Variants in SPATA24 observed in about 807,000 individuals in gnomAD.
The protein encoded by SPATA24 is spermatogenesis-associated protein 24.
In SPATA24, 21 loss-of-function variants were observed where a neutral mutation model predicts 28.9. The observed-to-expected ratio is 0.73, with a 90% CI of 0.52 to 1.05. The LOEUF is 1.05. SPATA24 is among the 50% of genes least tolerant of loss of function. SPATA24 has a pLI of 0.00. For synonymous variants in SPATA24, 76 were observed against 89.9 expected (o/e 0.85, Z 0.88); for missense variants, 215 against 242.9 (o/e 0.88, Z 0.76).
chr5:139,393,413 G>A, downstream of SPATA24: 1 of 1,551,680 alleles, frequency 6.4e-7, no homozygotes. Flanking sequence ...GTTGGTTCTG[G>A]AGTGCCGGGT....
chr5:139,402,063 G>A lies in SPATA24; in HGVS notation c.184-18C>T, dbSNP rs530105321. The A allele has an allele frequency of 6.5e-7, 1 of 1,549,838 alleles. No homozygotes were observed. Among genetic ancestry groups the A allele is most frequent in the East Asian group, 2.4e-5 (1 of 40,912 alleles). On this transcript the variant is annotated intron_variant, in intron 2 of 5. Transcript: ENST00000450845. ...TTCTCTTCCTGCAGGGGCAGCAGCAGTCACCTCATTACCCTAGGCCGCCTT... is the reference window on the plus strand; with the variant it reads ...TTCTCTTCCTGCAGGGGCAGCAGCAATCACCTCATTACCCTAGGCCGCCTT...
At chr5:139,393,059 CG>C, downstream of SPATA24, 13 of 1,530,582 alleles carry the variant, frequency 8.5e-6, no homozygotes, top group Admixed American at 2.1e-5. Context: ...TGAGCCGGGG[CG>C]GGGGGCCCCA....
Position 139,404,068 on chromosome 5 carries a change from C to T in SPATA24, c.-8G>A, listed in dbSNP as rs550592454. 46 of 1,550,468 alleles carry T rather than the reference C, an allele frequency of 3.0e-5. No homozygotes were observed. In the African/African-American group the frequency reaches 5.5e-4, roughly 18 times the overall value. On this transcript the variant is annotated 5_prime_UTR_variant, in exon 1 of 6. Transcript: ENST00000450845. ...CCCGAGGGGCGTCGCCATCTTCCGC[C>T]CCCGCCAGCTAGTTGGAAATGGCTG...
downstream of SPATA24, among the ~76,000 whole-genome samples, chr5:139,395,886 G>A (rs1758695042): frequency 6.6e-6 from 1 of 152,214 alleles, no homozygotes; most frequent in Non-Finnish European, 1.5e-5. Context: ...CAGCTCCAAA[G>A]GCCCCTGCGG....
rs1758814272 is a variant in SPATA24 at position 139,401,183 on chromosome 5, G to A, written c.385+572C>T. On this transcript the variant is annotated intron_variant, in intron 4 of 5. Transcript: ENST00000450845. ...AAATAAAACAACTTGGTTTCACTGG[G>A]CATGGTGGCTCACACCTGTAGTCCC... Among the ~76,000 whole-genome samples the A allele has an allele frequency of 5.9e-5, 9 of 152,184 alleles. No individual in the cohort carries two copies. In the South Asian group the frequency reaches 1.9e-3, roughly 31 times the overall value.
intron 4 of SPATA24, 33 bp downstream of exon 4, chr5:139,401,722 A>C: frequency 3.0e-5 from 46 of 1,547,946 alleles, no homozygotes; most frequent in Non-Finnish European, 3.8e-5. Flanking sequence ...CCGTTTATAT[A>C]ACCGTGGTGG....
At chr5:139,402,891 C>T (rs1221895342) in intron 1 of SPATA24, among the ~76,000 whole-genome samples, 198 bp from the exon 2 acceptor site, 1 of 152,214 alleles carries the variant, frequency 6.6e-6, no homozygotes, top group Non-Finnish European at 1.5e-5. Flanking sequence ...CAGCCAGTCT[C>T]ATGGAGGAGG....
chr5:139,397,488 G>A (rs1758735590), intron 4 of SPATA24, among the ~76,000 whole-genome samples: 1 of 152,034 alleles, frequency 6.6e-6, no homozygotes, highest in Admixed American at 6.5e-5. Context: ...TGCCTCCTTG[G>A]AGAAACTCTC....
At chr5:139,397,553 CTT>C (rs757853919) in intron 4 of SPATA24, among the ~76,000 whole-genome samples, 15 of 135,446 alleles carry the variant, frequency 1.1e-4, no homozygotes, top group Non-Finnish European at 9.1e-5. Context: ...CCTGCTTTCT[CTT>C]TTTTTTTTTT....
downstream of SPATA24, chr5:139,393,236 GTC>G: frequency 3.4e-5 from 53 of 1,549,112 alleles, no homozygotes; most frequent in Non-Finnish European, 4.6e-5. Context: ...ATGCGCGGGC[GTC>G]CCGAGGCCGC....
downstream of SPATA24, chr5:139,393,721 G>T (rs1407322738): frequency 6.4e-7 from 1 of 1,551,324 alleles, no homozygotes; most frequent in Non-Finnish European, 8.7e-7. Flanking sequence ...GATCGGAGGG[G>T]AAGGGCTTCT....
chr5:139,402,538 C>T (rs1181056558), intron 2 of SPATA24, 90 bp downstream of exon 2: 4 of 1,181,630 alleles, frequency 3.4e-6, no homozygotes, highest in Non-Finnish European at 4.9e-6. Flanking sequence ...CCACTGCACC[C>T]ATCAGAGGCT....
At chr5:139,396,359 T>C (rs1758705342), downstream of SPATA24, 19 of 985,322 alleles carry the variant, frequency 1.9e-5, no homozygotes, top group African/African-American at 3.5e-5. Flanking sequence ...CTTCCTCCCA[T>C]TGTGAAGCTC....
chr5:139,399,954 G>A (rs1758788092), intron 4 of SPATA24, among the ~76,000 whole-genome samples: 1 of 152,214 alleles, frequency 6.6e-6, no homozygotes, highest in African/African-American at 2.4e-5. Context: ...TTCTTTTTTG[G>A]GAAGTAAGGG....
At chr5:139,403,582 G>T (rs1038373677) in intron 1 of SPATA24, among the ~76,000 whole-genome samples, 1 of 152,178 alleles carries the variant, frequency 6.6e-6, no homozygotes, top group Non-Finnish European at 1.5e-5. Flanking sequence ...TTTGACTCTC[G>T]GGAATGGTGT....
downstream of SPATA24, chr5:139,393,863 G>A: frequency 6.4e-7 from 1 of 1,551,218 alleles, no homozygotes; most frequent in Non-Finnish European, 8.7e-7. Context: ...GGGCAGCGAG[G>A]ACCCCGTACA....
downstream of SPATA24, chr5:139,396,201 A>G (rs1758702144): frequency 1.0e-6 from 1 of 985,218 alleles, no homozygotes; most frequent in African/African-American, 1.7e-5. Context: ...GTGTGTCCCC[A>G]TGATCACCTA....
At position 139,401,720 on chromosome 5, in the gene SPATA24, A is replaced by G. The variant is rs1443454575; in HGVS notation, c.385+35T>C. On this transcript the variant is annotated intron_variant, in intron 4 of 5. Transcript: ENST00000450845. Reference sequence around the variant, plus strand: ...GGTGGTTAGGAAAGAGCCCGTTTATATAACCGTGGTGGAGAGCACGGGCCT... The same window carrying G: ...GGTGGTTAGGAAAGAGCCCGTTTATGTAACCGTGGTGGAGAGCACGGGCCT... 3.9e-6 allele frequency: 6 copies of G among 1,547,684 alleles called. No homozygotes were observed. In the Admixed American group the frequency reaches 5.9e-5, roughly 15 times the overall value.
downstream of SPATA24, chr5:139,393,291 G>A (rs1327568376): frequency 2.6e-6 from 4 of 1,550,298 alleles, no homozygotes; most frequent in Non-Finnish European, 8.7e-7. Flanking sequence ...CCGCGTCCAG[G>A]GTGCCCACAG....
Sources: allele counts gnomAD v4.1 joint callset (sites outside exome capture counted in the v4.1 genomes callset), GRCh38; gene constraint gnomAD v4.1.1; transcripts MANE v1.5; gene names NCBI Gene and HGNC (gene_info 2026-07-23, HGNC 2026-07-21).